Variants in WASF1 observed in about 807,000 individuals in gnomAD.
The protein encoded by WASF1 is actin-binding protein WASF1.
A neutral mutation model predicts 50.5 loss-of-function variants in WASF1; 7 were observed. The observed-to-expected ratio is 0.14, with a 90% CI of 0.08 to 0.26. The LOEUF (loss-of-function observed/expected upper bound fraction) is 0.26, where lower values mean the gene tolerates loss of function less well. WASF1 is among the 10% of genes least tolerant of loss of function. The probability of loss-of-function intolerance (pLI) is 1.00; values close to 1 mark genes in which losing one functional copy is unlikely to be tolerated. For synonymous variants in WASF1, 205 were observed against 244.0 expected (o/e 0.84, Z 1.49); for missense variants, 470 against 694.7 (o/e 0.68, Z 3.64).
At chr6:110,171,664 A>T (rs1420623870) in intron 2 of WASF1, among the ~76,000 whole-genome samples, 1 of 152,174 alleles carries the variant, frequency 6.6e-6, no homozygotes, top group Non-Finnish European at 1.5e-5. Flanking sequence ...TGGCAACAAA[A>T]GCCAAAATAA....
At chr6:110,145,569 C>A (rs1417966426) in intron 3 of WASF1, among the ~76,000 whole-genome samples, 4 of 152,090 alleles carry the variant, frequency 2.6e-5, no homozygotes, top group African/African-American at 9.7e-5. Flanking sequence ...CAGTTTTTGT[C>A]CATTCAGTAT....
chr6:110,176,967 G>C (rs1285509678), intron 2 of WASF1, among the ~76,000 whole-genome samples: 2 of 151,848 alleles, frequency 1.3e-5, no homozygotes, highest in African/African-American at 4.8e-5. Flanking sequence ...AGTCCAATAA[G>C]GAAATCACAA....
At chr6:110,145,152 T>C (rs941167093) in intron 3 of WASF1, among the ~76,000 whole-genome samples, 5 of 152,198 alleles carry the variant, frequency 3.3e-5, no homozygotes, top group African/African-American at 9.7e-5. Flanking sequence ...TGGTTTGTAG[T>C]TCTCCTTGAA....
At chr6:110,174,041 T>TCCTTAA (rs1423595608) in intron 2 of WASF1, among the ~76,000 whole-genome samples, 1 of 152,102 alleles carries the variant, frequency 6.6e-6, no homozygotes, top group Non-Finnish European at 1.5e-5. Flanking sequence ...AGACTTAAAA[T>TCCTTAA]CCTTAACCTC....
chr6:110,132,728 T>C (rs926959658), intron 3 of WASF1, among the ~76,000 whole-genome samples: 49 of 151,974 alleles, frequency 3.2e-4, no homozygotes, highest in African/African-American at 1.2e-3. Context: ...CATTGTATCA[T>C]TCCTATGCCT....
intron 3 of WASF1, among the ~76,000 whole-genome samples, chr6:110,131,048 T>C (rs1774644306): frequency 6.6e-6 from 1 of 152,226 alleles, no homozygotes; most frequent in African/African-American, 2.4e-5. Flanking sequence ...TTAGGGCTGA[T>C]TTGTAGAAAC....
chr6:110,104,096 G>C (rs1047243311), intron 8 of WASF1, among the ~76,000 whole-genome samples: 1 of 152,050 alleles, frequency 6.6e-6, no homozygotes, highest in Non-Finnish European at 1.5e-5. Flanking sequence ...TCCTTCTGCT[G>C]TTTTCAAAGG....
intron 3 of WASF1, among the ~76,000 whole-genome samples, chr6:110,129,791 TAAGTA>T (rs1299734831): frequency 6.6e-6 from 1 of 152,250 alleles, no homozygotes; most frequent in Non-Finnish European, 1.5e-5. Flanking sequence ...GACATTGTGC[TAAGTA>T]AATACTTCTA....
chr6:110,116,327 C>G (rs1258689874), intron 4 of WASF1, among the ~76,000 whole-genome samples: 2 of 152,206 alleles, frequency 1.3e-5, no homozygotes, highest in Non-Finnish European at 2.9e-5. Flanking sequence ...CACTCCTGAT[C>G]AAATACTATA....
At chr6:110,144,040 C>T (rs370107352) in intron 3 of WASF1, among the ~76,000 whole-genome samples, 4 of 152,030 alleles carry the variant, frequency 2.6e-5, no homozygotes, top group Non-Finnish European at 4.4e-5. Context: ...ATCACCACAC[C>T]GACTTCCACA....
chr6:110,129,996 T>C (rs963400400), intron 3 of WASF1, among the ~76,000 whole-genome samples: 1 of 152,252 alleles, frequency 6.6e-6, no homozygotes, highest in African/African-American at 2.4e-5. Flanking sequence ...CTGACTGTAC[T>C]ATCAGTGAAC....
chr6:110,135,876 C>CTTTTTTTTTT (rs778710982), intron 3 of WASF1, among the ~76,000 whole-genome samples: 3 of 68,328 alleles, frequency 4.4e-5, no homozygotes, highest in Non-Finnish European at 7.9e-5. Context: ...AGTCCATTAT[C>CTTTTTTTTTT]TTTTTTTTTT....
chr6:110,133,475 A>G (rs1319863459), intron 3 of WASF1, among the ~76,000 whole-genome samples: 2 of 152,204 alleles, frequency 1.3e-5, no homozygotes, highest in Non-Finnish European at 1.5e-5. Context: ...ACTGTTCTCC[A>G]TAGTGTTTGT....
intron 3 of WASF1, among the ~76,000 whole-genome samples, chr6:110,145,772 C>A (rs1775528934): frequency 6.6e-6 from 1 of 151,906 alleles, no homozygotes; most frequent in Non-Finnish European, 1.5e-5. Context: ...AAATGTGGCA[C>A]ATATATACCA....
chr6:110,105,433 A>G lies in WASF1; in HGVS notation c.687T>C (p.Asn229=), dbSNP rs751974789. 2 of 1,608,450 alleles carry G rather than the reference A, an allele frequency of 1.2e-6. No individual in the cohort carries two copies. Among genetic ancestry groups the G allele is most frequent in the African/African-American group, 2.7e-5 (2 of 74,634 alleles). The change falls in exon 8 of 11, where the codon AAT becomes AAC. Residue 229 remains asparagine, a synonymous_variant. Coordinates refer to ENST00000392589, the MANE Select transcript of WASF1 (RefSeq NM_003931.3). ...TTGTTTCAAAATGAGAGGCTGGGCCATTAGCAACTTCAATATGCTTATGTA... is the reference window on the plus strand; with the variant it reads ...TTGTTTCAAAATGAGAGGCTGGGCCGTTAGCAACTTCAATATGCTTATGTA... ...NLLHKHIEVA[N]GPASHFETRP...
At chr6:110,124,737 T>C (rs1015378809) in intron 4 of WASF1, among the ~76,000 whole-genome samples, 2 of 152,014 alleles carry the variant, frequency 1.3e-5, no homozygotes, top group African/African-American at 4.8e-5. Context: ...CAAAACCCCA[T>C]TTCTACTAAA....
At chr6:110,174,929 A>G (rs1776861423) in intron 2 of WASF1, among the ~76,000 whole-genome samples, 1 of 152,128 alleles carries the variant, frequency 6.6e-6, no homozygotes. Flanking sequence ...TTTAGCTTAA[A>G]CCAAAAACAG....
Position 110,126,966 on chromosome 6 carries a change from C to A in WASF1, c.133+503G>T, listed in dbSNP as rs556399092. Among the ~76,000 whole-genome samples the A allele has an allele frequency of 5.2e-3, 797 of 152,248 alleles. 11 individuals are homozygous for A. Among genetic ancestry groups the A allele is most frequent in the African/African-American group, 0.019 (773 of 41,542 alleles). ...TGCATATCAGATTCCTGACTTATAT[C>A]CTAATGTCTCTTAGACATCCCACTT... is the stretch of plus-strand genomic sequence containing the variant. On this transcript the variant is annotated intron_variant, in intron 4 of 10. Transcript: ENST00000392589.
chr6:110,121,935 T>C (rs56122480), intron 4 of WASF1, among the ~76,000 whole-genome samples: 61,377 of 150,890 alleles, frequency 0.41, 13,921 homozygotes, highest in African/African-American at 0.63. Flanking sequence ...ATCACAAGGT[T>C]GGAAAACCAA....
Sources: allele counts gnomAD v4.1 joint callset (sites outside exome capture counted in the v4.1 genomes callset), GRCh38; gene constraint gnomAD v4.1.1; transcripts MANE v1.5; gene names NCBI Gene and HGNC (gene_info 2026-07-23, HGNC 2026-07-21).